The following TP63 variants were observed in gnomAD, a reference collection of about 807,000 sequenced individuals.
TP63 encodes the protein tumor protein 63.
TP63 carries 17 observed loss-of-function variants against 82.8 expected under a neutral mutation model. The ratio of observed to expected loss-of-function variants is 0.21; its 90% CI spans 0.14 to 0.31. The LOEUF is 0.31. Among genes scored for constraint, TP63 ranks in the 10% least tolerant of loss-of-function variants. TP63 has a pLI of 1.00. For missense variants in TP63, 648 were observed against 895.3 expected, an observed-to-expected ratio of 0.72 and a Z score of 3.52; for synonymous variants, 330 against 321.7, an observed-to-expected ratio of 1.03 and a Z score of -0.28.
chr3:189,814,006 G>A (rs1224169090), intron 4 of TP63, among the ~76,000 whole-genome samples: 1 of 152,184 alleles, frequency 6.6e-6, no homozygotes, highest in Non-Finnish European at 1.5e-5. Flanking sequence ...AGAGATTAGG[G>A]AGGTGGCGTT....
intron 1 of TP63, among the ~76,000 whole-genome samples, chr3:189,707,015 C>A (rs144322784): frequency 1.3e-5 from 2 of 152,300 alleles, no homozygotes; most frequent in African/African-American, 4.8e-5. Context: ...AGCTCACTTT[C>A]TTAAGATTTT....
chr3:189,804,114 G>A (rs775750445), intron 3 of TP63, among the ~76,000 whole-genome samples: 7 of 152,286 alleles, frequency 4.6e-5, no homozygotes, highest in East Asian at 1.9e-4. Flanking sequence ...TCCAAAGGCC[G>A]TTTTTATGGC....
At chr3:189,703,059 G>A (rs1717928237) in intron 1 of TP63, among the ~76,000 whole-genome samples, 1 of 152,168 alleles carries the variant, frequency 6.6e-6, no homozygotes, top group African/African-American at 2.4e-5. Context: ...CTAGGTTTAA[G>A]GAACTTGCTC....
chr3:189,831,775 A>C (rs1577058327), intron 4 of TP63, among the ~76,000 whole-genome samples: 1 of 143,250 alleles, frequency 7.0e-6, no homozygotes. Flanking sequence ...TGGCAGTGTA[A>C]TTTTTGTCCC....
At chr3:189,678,666 G>A (rs1461742480) in intron 1 of TP63, among the ~76,000 whole-genome samples, 1 of 151,914 alleles carries the variant, frequency 6.6e-6, no homozygotes, top group East Asian at 1.9e-4. Context: ...TCTGTAGATT[G>A]TTTTGGGCCG....
rs1311743661 is a variant in TP63, at chr3:189,774,067, T to C, written c.325-34205T>C. Among the ~76,000 whole-genome samples the C allele has an allele frequency of 7.3e-5, 11 of 151,668 alleles. No homozygotes were observed. In the South Asian group the frequency reaches 8.3e-4, roughly 11 times the overall value. ...CCTCCTGAGTAGCTGGGACTACAGG[T>C]ATCCACCACCACGCCCAGCTAATTT... On this transcript the variant is annotated intron_variant, in intron 3 of 13. Transcript: ENST00000264731.
intron 11 of TP63, among the ~76,000 whole-genome samples, chr3:189,888,095 TG>T (rs1229974773): frequency 6.6e-6 from 1 of 152,122 alleles, no homozygotes; most frequent in African/African-American, 2.4e-5. Context: ...TGACCTCAGG[TG>T]ATCCACCCAC....
intron 4 of TP63, among the ~76,000 whole-genome samples, chr3:189,846,863 A>G (rs1714950172): frequency 6.6e-6 from 1 of 151,298 alleles, no homozygotes; most frequent in South Asian, 2.1e-4. Context: ...TTATATTTTT[A>G]GTAGAGATGG....
intron 4 of TP63, among the ~76,000 whole-genome samples, chr3:189,840,359 C>CTT: frequency 0.012 from 511 of 44,334 alleles, 5 homozygotes; most frequent in South Asian, 0.021. Context: ...TGCTTTTCGT[C>CTT]TTTTTTTTTT....
the TP63 span, among the ~76,000 whole-genome samples, chr3:189,612,417 A>G: frequency 2.0e-5 from 3 of 152,136 alleles, no homozygotes; most frequent in African/African-American, 7.2e-5. Context: ...GCTGCCATGT[A>G]AGAAGTGCTT....
At chr3:189,851,930 A>T (rs1442117055) in intron 4 of TP63, among the ~76,000 whole-genome samples, 1 of 152,150 alleles carries the variant, frequency 6.6e-6, no homozygotes, top group Non-Finnish European at 1.5e-5. Flanking sequence ...GTATCTGGTG[A>T]GGAGGACGTG....
At position 189,864,543 on chromosome 3, in the gene TP63, T is replaced by C. The variant is rs1265439119; in HGVS notation, c.766+125T>C. ...ACTCCGATGGCAGATCAGTCTGCCTTTTTTTTTTTTTTTTTTTTTTTTGGC... is the reference window on the plus strand; with the variant it reads ...ACTCCGATGGCAGATCAGTCTGCCTCTTTTTTTTTTTTTTTTTTTTTTGGC... On this transcript the variant is annotated intron_variant, in intron 5 of 13. Coordinates refer to ENST00000264731, the MANE Select transcript of TP63 (RefSeq NM_003722.5). 9 of 62,288 alleles carry C rather than the reference T, an allele frequency of 1.4e-4. No individual in the cohort carries two copies. In the South Asian group the frequency reaches 4.1e-3, roughly 28 times the overall value. 3.9% of individuals were successfully genotyped at this position (62,288 alleles called of 1,614,324 possible). A position where few individuals can be genotyped will look rare whatever the true frequency, so the allele number is the denominator to read the frequency against.
chr3:189,649,429 G>A (rs764635252), intron 1 of TP63, among the ~76,000 whole-genome samples: 5 of 146,568 alleles, frequency 3.4e-5, no homozygotes, highest in Non-Finnish European at 6.0e-5. Flanking sequence ...TGATGAGAAC[G>A]CGTGGACACA....
At chr3:189,596,771 C>T in the TP63 span, among the ~76,000 whole-genome samples, 3 of 152,166 alleles carry the variant, frequency 2.0e-5, no homozygotes, top group East Asian at 1.9e-4. Flanking sequence ...TCACCTTCCA[C>T]ACTGTGGAAG....
intron 3 of TP63, among the ~76,000 whole-genome samples, chr3:189,801,058 A>G (rs886777699): frequency 6.6e-6 from 1 of 152,174 alleles, no homozygotes; most frequent in Non-Finnish European, 1.5e-5. Context: ...ACAATTTAGG[A>G]TATGAACTAG....
intron 1 of TP63, among the ~76,000 whole-genome samples, chr3:189,733,766 G>T (rs751658715): frequency 1.4e-4 from 21 of 152,112 alleles, no homozygotes; most frequent in Non-Finnish European, 2.4e-4. Context: ...TCACTTCAAC[G>T]TTAAATCTAT....
chr3:189,651,135 T>C (rs1712855318), intron 1 of TP63, among the ~76,000 whole-genome samples: 1 of 147,120 alleles, frequency 6.8e-6, no homozygotes, highest in Non-Finnish European at 1.5e-5. Flanking sequence ...GACATTGAAC[T>C]TGAGAGAGAT....
At chr3:189,833,137 G>A (rs1712611433) in intron 4 of TP63, among the ~76,000 whole-genome samples, 1 of 152,158 alleles carries the variant, frequency 6.6e-6, no homozygotes, top group South Asian at 2.1e-4. Flanking sequence ...TGAAAAATGA[G>A]TTTCCATTTA....
chr3:189,597,596 G>T, the TP63 span, among the ~76,000 whole-genome samples: 7 of 152,160 alleles, frequency 4.6e-5, no homozygotes, highest in Admixed American at 2.0e-4. Context: ...AGATTCATAG[G>T]TGGTTTAGAT....
Sources: allele counts gnomAD v4.1 joint callset (sites outside exome capture counted in the v4.1 genomes callset), GRCh38; gene constraint gnomAD v4.1.1; transcripts MANE v1.5; gene names NCBI Gene and HGNC (gene_info 2026-07-23, HGNC 2026-07-21).